PACS2: variants seen among roughly 807,000 people sequenced by gnomAD.
PACS2 encodes phosphofurin acidic cluster sorting protein 2.
In PACS2, 36 loss-of-function variants were observed where a neutral mutation model predicts 113.0. The observed-to-expected ratio is 0.32, with a 90% CI of 0.24 to 0.42. The LOEUF (loss-of-function observed/expected upper bound fraction) is 0.42. Ranked by LOEUF, PACS2 falls within the 10% of genes least tolerant of loss-of-function variation. PACS2 has a pLI of 1.00. For missense variants in PACS2, 1,015 were observed against 1,239.5 expected (o/e 0.82, Z 2.72); for synonymous variants, 589 against 536.1 (o/e 1.10, Z -1.36).
chr14:105,337,599 G>A (rs1247410523), intron 1 of PACS2, among the ~76,000 whole-genome samples: 6 of 152,220 alleles, frequency 3.9e-5, no homozygotes, highest in African/African-American at 7.2e-5. Flanking sequence ...GGCTGAGCCC[G>A]TGGCTATGCC....
chr14:105,326,813 T>C (rs773497835), intron 1 of PACS2, among the ~76,000 whole-genome samples: 53 of 152,194 alleles, frequency 3.5e-4, no homozygotes, highest in Non-Finnish European at 6.3e-4. Flanking sequence ...GCCAGGACTC[T>C]ACTGTTCCTC....
At position 105,382,793 on chromosome 14, in the gene PACS2, C is replaced by G; in HGVS notation, c.1519-14C>G. The G allele has an allele frequency of 6.5e-7, 1 of 1,540,572 alleles. No homozygotes were observed. The highest frequency in any genetic ancestry group is 1.1e-5 in the South Asian group (1 of 88,714). On this transcript the variant is annotated splice_polypyrimidine_tract_variant and intron_variant, in intron 14 of 24. Transcript: ENST00000447393. ...CGGCTGTGCCGAAGTCAGCGTCTGC[C>G]TGTCTTCTGCCAGTTCCTCTCCGAC...
In PACS2 at chr14:105,382,504, C is replaced by T; in HGVS notation, c.1441C>T (p.Leu481Phe). ...CCCCAGGAAGACTGTGTATGACCAG[C>T]TCAACCACATCCTCATCTCCGATGA... is the stretch of plus-strand genomic sequence containing the variant. ...QIPRKTVYDQLNHILISDDQL... is the reference protein window; with the variant it reads ...QIPRKTVYDQFNHILISDDQL... The change falls in exon 14 of 25, where the codon CTC (leucine) becomes TTC (phenylalanine). Residue 481 changes from leucine to phenylalanine, a missense_variant. This residue lies in a region of PACS2 where 859 missense variants were observed against 1,056.8 expected (regional missense o/e 0.81). Coordinates refer to ENST00000447393, the MANE Select transcript of PACS2 (RefSeq NM_001100913.3). 1.2e-6 allele frequency: 2 copies of T among 1,611,370 alleles called. No individual in the cohort carries two copies. Among genetic ancestry groups the T allele is most frequent in the Non-Finnish European group, 8.5e-7 (1 of 1,177,496 alleles).
chr14:105,369,362 G>C (rs1247043607), intron 7 of PACS2, among the ~76,000 whole-genome samples: 1 of 152,198 alleles, frequency 6.6e-6, no homozygotes, highest in African/African-American at 2.4e-5. Flanking sequence ...TGGTCCCCGA[G>C]AGGGTGGCTG....
At position 105,356,476 on chromosome 14, in the gene PACS2, C is replaced by T. The variant is rs2060452776; in HGVS notation, c.423+1299C>T. 6.6e-6 allele frequency among the ~76,000 whole-genome samples: 1 copy of T among 152,182 alleles called. No homozygotes were observed. The highest frequency in any genetic ancestry group is 1.5e-5 in the Non-Finnish European group (1 of 68,018). ...TGCACTTCCCAGGGCCCTGGGACCCCTCTGGTGGCCTGGAGCTGCCCATCA... is the reference window on the plus strand; with the variant it reads ...TGCACTTCCCAGGGCCCTGGGACCCTTCTGGTGGCCTGGAGCTGCCCATCA... On this transcript the variant is annotated intron_variant, in intron 4 of 24. Transcript: ENST00000447393. This position sits in a 1 kb window ranked among gnomAD's most constrained non-coding sequence, Gnocchi z 4.0.
At position 105,381,860 on chromosome 14, in the gene PACS2, CCCTGTT is replaced by C. The variant is rs587610984; in HGVS notation, c.1269-43_1269-38del. The stretch of plus-strand genomic sequence containing the variant: ...ACTGCAGGCCTGCCCCTGCCTCTGC[CCCTGTT>C]CCTGTTCCTGCTGCCACAGCCACTT... On this transcript the variant is annotated intron_variant, in intron 12 of 24. Transcript: ENST00000447393. The C allele has an allele frequency of 9.4e-4, 1,412 of 1,504,474 alleles. 19 individuals are homozygous for C. In the South Asian group the frequency reaches 0.017, roughly 18 times the overall value. 93.2% of individuals were successfully genotyped at this position (1,504,474 alleles called of 1,614,324 possible).
At chr14:105,387,801 C>T (rs1196954364) in intron 19 of PACS2, among the ~76,000 whole-genome samples, 3 of 152,206 alleles carry the variant, frequency 2.0e-5, no homozygotes, top group African/African-American at 4.8e-5. Context: ...GGGTCTGGCT[C>T]GGCAGAGGGC....
chr14:105,330,112 G>T lies in PACS2; in HGVS notation c.119+15075G>T, dbSNP rs2140902095. Among the ~76,000 whole-genome samples, 1 of 150,538 alleles carries T rather than the reference G, an allele frequency of 6.6e-6. No homozygotes were observed. Among genetic ancestry groups the T allele is most frequent in the East Asian group, 2.0e-4 (1 of 5,110 alleles). On this transcript the variant is annotated intron_variant, in intron 1 of 24. Transcript: ENST00000447393. The surrounding 1 kb of genome is among the most constrained non-coding windows in gnomAD (Gnocchi z 6.9). The stretch of plus-strand genomic sequence containing the variant: ...GGACAGGGAGCCTCCGAGAAGCCTG[G>T]GGTCCGTGTGTGGGAAGGAACGGGG...
At chr14:105,347,320 G>A (rs587656767) in intron 1 of PACS2, among the ~76,000 whole-genome samples, 1 of 152,146 alleles carries the variant, frequency 6.6e-6, no homozygotes, top group African/African-American at 2.4e-5. Flanking sequence ...CCCGTTGCCT[G>A]GGGGCAGGGA....
rs782784040 is a variant in PACS2, at chr14:105,393,348, G to A, written c.2596+13G>A. 32 of 1,583,432 alleles carry A rather than the reference G, an allele frequency of 2.0e-5. No homozygotes were observed. Among genetic ancestry groups the A allele is most frequent in the Middle Eastern group, 3.3e-4 (2 of 6,034 alleles). Reference sequence around the variant, plus strand: ...AACATGCTGCGGGGTGAGCACCACCGGCCCCGGGGTCTGTAGAGTGGGACG... The same window carrying A: ...AACATGCTGCGGGGTGAGCACCACCAGCCCCGGGGTCTGTAGAGTGGGACG... On this transcript the variant is annotated intron_variant, in intron 24 of 24. Coordinates refer to ENST00000447393, the MANE Select transcript of PACS2 (RefSeq NM_001100913.3).
rs587717849 is a variant in PACS2, at chr14:105,383,572, G to A, written c.1780+59G>A. The A allele has an allele frequency of 3.4e-5, 51 of 1,504,046 alleles. No homozygotes were observed. The East Asian group carries it at 1.1e-3, about 32-fold the overall frequency. The allele number at this position is 1,504,046 out of a possible 1,614,324, so 93.2% of individuals were successfully genotyped here. A position where few individuals can be genotyped will look rare whatever the true frequency, so the allele number is the denominator to read the frequency against. On this transcript the variant is annotated intron_variant, in intron 16 of 24. Coordinates refer to ENST00000447393, the MANE Select transcript of PACS2 (RefSeq NM_001100913.3). ...CAGATGCCACGGGCAGTGTGGCGTG[G>A]CATGGAGTGGTGTGGCGTGGCGTGG...
In PACS2 at chr14:105,315,758, T is replaced by G. The variant is rs2140768078; in HGVS notation, c.119+721T>G. ...GGACTTGCAGCTTCCCTGAGTCTCC[T>G]GCTCAGTTTGAAACTTTTGTAATTT... On this transcript the variant is annotated intron_variant, in intron 1 of 24. Coordinates refer to ENST00000447393, the MANE Select transcript of PACS2 (RefSeq NM_001100913.3). This position sits in a 1 kb window ranked among gnomAD's most constrained non-coding sequence, Gnocchi z 4.4. Among the ~76,000 whole-genome samples, 1 of 152,366 alleles carries G rather than the reference T, an allele frequency of 6.6e-6. No individual in the cohort carries two copies. The highest frequency in any genetic ancestry group is 1.9e-4 in the East Asian group (1 of 5,190).
At chr14:105,343,256 T>C (rs2059802185) in intron 1 of PACS2, among the ~76,000 whole-genome samples, 1 of 152,232 alleles carries the variant, frequency 6.6e-6, no homozygotes, top group African/African-American at 2.4e-5. Context: ...AGTACCAAAA[T>C]GTCCTTGTCT....
intron 8 of PACS2, chr14:105,372,533 A>ATTTTT (rs2061195166): frequency 2.6e-5 from 4 of 152,256 alleles, no homozygotes; most frequent in Non-Finnish European, 4.4e-5. Flanking sequence ...AAAAATAGAT[A>ATTTTT]AAATGGTAAA....
Position 105,394,692 on chromosome 14 carries a change from C to T in PACS2, c.*20C>T. Reference sequence around the variant, plus strand: ...TTCTAGCCCCACCCACCAGGGGGCCCACCTCCTGCCCCATGCTGTGAGGGG... The same window carrying T: ...TTCTAGCCCCACCCACCAGGGGGCCTACCTCCTGCCCCATGCTGTGAGGGG... On this transcript the variant is annotated 3_prime_UTR_variant, in exon 25 of 25. Transcript: ENST00000447393. 1 of 1,468,358 alleles carries T rather than the reference C, an allele frequency of 6.8e-7. No individual in the cohort carries two copies. Among genetic ancestry groups the T allele is most frequent in the Non-Finnish European group, 9.5e-7 (1 of 1,047,358 alleles). The allele number at this position is 1,468,358 out of a possible 1,614,324, so 91.0% of individuals were successfully genotyped here.
At position 105,354,392 on chromosome 14, in the gene PACS2, G is replaced by A. The variant is rs1052804979; in HGVS notation, c.298-660G>A. On this transcript the variant is annotated intron_variant, in intron 3 of 24. Coordinates refer to ENST00000447393, the MANE Select transcript of PACS2 (RefSeq NM_001100913.3). This position sits in a 1 kb window ranked among gnomAD's most constrained non-coding sequence, Gnocchi z 4.2. Reference sequence around the variant, plus strand: ...GCCGGGATTACAGGTGTGAGCCACCGCGCCTGGCCCAATGCTCCATGGTTC... The same window carrying A: ...GCCGGGATTACAGGTGTGAGCCACCACGCCTGGCCCAATGCTCCATGGTTC... Among the ~76,000 whole-genome samples, 7 of 152,164 alleles carry A rather than the reference G, an allele frequency of 4.6e-5. No individual in the cohort carries two copies. Among genetic ancestry groups the A allele is most frequent in the Admixed American group, 2.0e-4 (3 of 15,276 alleles).
At chr14:105,359,426 G>A (rs781842652) in intron 4 of PACS2, among the ~76,000 whole-genome samples, 39 of 150,966 alleles carry the variant, frequency 2.6e-4, no homozygotes, top group Non-Finnish European at 4.4e-4. Context: ...TCCTTCCTCC[G>A]CCTCCCGAGT....
chr14:105,327,689 G>A (rs2059170699), intron 1 of PACS2, among the ~76,000 whole-genome samples: 2 of 152,244 alleles, frequency 1.3e-5, no homozygotes, highest in South Asian at 2.1e-4. Context: ...GTGGGCTATC[G>A]AAGGTTTTGG....
intron 4 of PACS2, among the ~76,000 whole-genome samples, chr14:105,360,040 A>G (rs2060618628): frequency 6.6e-6 from 1 of 152,230 alleles, no homozygotes; most frequent in Non-Finnish European, 1.5e-5. Context: ...GCCTAGGAGC[A>G]GGAGGCTGTC....
Sources: allele counts gnomAD v4.1 joint callset (sites outside exome capture counted in the v4.1 genomes callset), GRCh38; gene constraint gnomAD v4.1.1; regional missense constraint gnomAD v4.1.1; non-coding constraint Gnocchi (gnomAD v3.1); transcripts MANE v1.5; gene names NCBI Gene and HGNC (gene_info 2026-07-23, HGNC 2026-07-21).